Variants in KCTD16 observed in about 807,000 individuals in gnomAD.
KCTD16 encodes potassium channel tetramerization domain containing 16, also known as BTB/POZ domain-containing protein KCTD16.
A neutral mutation model predicts 33.2 loss-of-function variants in KCTD16; 13 were observed. The observed-to-expected ratio is 0.39, with a 90% CI of 0.25 to 0.62. KCTD16 has a LOEUF of 0.62. Among genes scored for constraint, KCTD16 ranks in the 20% least tolerant of loss-of-function variants. The probability of loss-of-function intolerance (pLI) is 0.50; values close to 1 mark genes in which losing one functional copy is unlikely to be tolerated. For missense variants in KCTD16, 441 were observed against 525.1 expected (o/e 0.84, Z 1.57); for synonymous variants, 197 against 195.3 (o/e 1.01, Z -0.07).
In KCTD16 at chr5:144,483,635, GT is replaced by G. The variant is rs1291032805; in HGVS notation, c.*9522del. The stretch of plus-strand genomic sequence containing the variant: ...GGCCATCTTAAGAATACAGTAAGTT[GT>G]GTACTCATTCATAGCCACATGCTTT... On this transcript the variant is annotated 3_prime_UTR_variant, in exon 4 of 4. Transcript: ENST00000512467. 5 of 151,954 alleles carry G rather than the reference GT, an allele frequency of 3.3e-5. No homozygotes were observed. Among genetic ancestry groups the G allele is most frequent in the Non-Finnish European group, 7.4e-5 (5 of 67,916 alleles). The allele number at this position is 151,954 out of a possible 1,614,324, so 9.4% of individuals were successfully genotyped here.
At chr5:144,360,465 T>A (rs1751683420) in intron 3 of KCTD16, among the ~76,000 whole-genome samples, 1 of 151,380 alleles carries the variant, frequency 6.6e-6, no homozygotes, top group African/African-American at 2.4e-5. Context: ...GGAATCTCGC[T>A]CTGTTGCCCA....
At chr5:144,377,698 CT>C (rs1433360363) in intron 3 of KCTD16, 2 of 152,172 alleles carry the variant, frequency 1.3e-5, no homozygotes. Context: ...TGACATCCTG[CT>C]GACAAGTCTT....
intron 3 of KCTD16, among the ~76,000 whole-genome samples, chr5:144,462,753 C>T (rs997891167): frequency 1.3e-5 from 2 of 152,084 alleles, no homozygotes; most frequent in Admixed American, 6.5e-5. Context: ...ATGTTCCATG[C>T]CGTCTGGTCT....
At chr5:144,319,015 T>C (rs1386635597) in intron 3 of KCTD16, among the ~76,000 whole-genome samples, 1 of 152,086 alleles carries the variant, frequency 6.6e-6, no homozygotes, top group Non-Finnish European at 1.5e-5. Flanking sequence ...CTAAAATAAT[T>C]AAAGCAATAT....
chr5:144,250,557 A>C (rs1005679095), intron 3 of KCTD16, among the ~76,000 whole-genome samples: 2 of 152,222 alleles, frequency 1.3e-5, no homozygotes, highest in African/African-American at 4.8e-5. Flanking sequence ...TGTTCCGAGA[A>C]GTATACAGTT....
At chr5:144,345,913 T>C (rs1752787496) in intron 3 of KCTD16, among the ~76,000 whole-genome samples, 1 of 151,986 alleles carries the variant, frequency 6.6e-6, no homozygotes, top group Admixed American at 6.6e-5. Context: ...TTGACTATAG[T>C]AAACCTATTA....
intron 3 of KCTD16, among the ~76,000 whole-genome samples, chr5:144,440,115 G>A (rs959261072): frequency 2.6e-5 from 4 of 152,120 alleles, no homozygotes; most frequent in African/African-American, 7.2e-5. Context: ...AGCCCCTTCT[G>A]TGCACCACAT....
At chr5:144,395,846 G>C (rs1211059735) in intron 3 of KCTD16, among the ~76,000 whole-genome samples, 1 of 152,180 alleles carries the variant, frequency 6.6e-6, no homozygotes, top group Non-Finnish European at 1.5e-5. Flanking sequence ...TGCTCAGGAT[G>C]TCTGTCAGCC....
chr5:144,349,247 A>G (rs1234226683), intron 3 of KCTD16, among the ~76,000 whole-genome samples: 1 of 152,156 alleles, frequency 6.6e-6, no homozygotes, highest in African/African-American at 2.4e-5. Flanking sequence ...CATGGTTTAC[A>G]TGTGTGGCCT....
At position 144,328,455 on chromosome 5, in the gene KCTD16, G is replaced by A. The variant is rs563510753; in HGVS notation, c.832+120909G>A. Among the ~76,000 whole-genome samples the A allele has an allele frequency of 2.0e-5, 3 of 152,148 alleles. 1 individual carries two copies. In the South Asian group the frequency reaches 6.2e-4, roughly 32 times the overall value. On this transcript the variant is annotated intron_variant, in intron 3 of 3. Transcript: ENST00000512467. ...TTCCCCTGAGACTAGCAATTGTTCTGCCTGTTGATTTGAGTGTGTGGGATA... is the reference window on the plus strand; with the variant it reads ...TTCCCCTGAGACTAGCAATTGTTCTACCTGTTGATTTGAGTGTGTGGGATA...
intron 3 of KCTD16, among the ~76,000 whole-genome samples, chr5:144,416,485 A>C (rs1753057215): frequency 6.6e-6 from 1 of 152,200 alleles, no homozygotes; most frequent in Admixed American, 6.6e-5. Context: ...TCTTTGAAGA[A>C]CTAAGATGTG....
intron 3 of KCTD16, among the ~76,000 whole-genome samples, chr5:144,374,248 T>G (rs1465180964): frequency 6.6e-6 from 1 of 152,172 alleles, no homozygotes; most frequent in African/African-American, 2.4e-5. Flanking sequence ...TAAAAAAGAT[T>G]AATATTAGAA....
intron 1 of KCTD16, among the ~76,000 whole-genome samples, chr5:144,172,384 C>T (rs992267825): frequency 1.3e-5 from 2 of 152,122 alleles, no homozygotes; most frequent in East Asian, 1.9e-4. Flanking sequence ...ATATATCTGT[C>T]GCCTCAGACA....
chr5:144,432,790 T>A (rs1407084847), intron 3 of KCTD16, among the ~76,000 whole-genome samples: 1 of 152,198 alleles, frequency 6.6e-6, no homozygotes. Flanking sequence ...ACTTTCTTTT[T>A]TATTTACAGC....
chr5:144,203,250 T>A (rs1753083148), intron 2 of KCTD16, among the ~76,000 whole-genome samples: 1 of 152,034 alleles, frequency 6.6e-6, no homozygotes, highest in African/African-American at 2.4e-5. Context: ...AATACTCTTT[T>A]TAAGAGTATT....
At chr5:144,334,605 G>A (rs190897193) in intron 3 of KCTD16, among the ~76,000 whole-genome samples, 14 of 152,148 alleles carry the variant, frequency 9.2e-5, no homozygotes, top group African/African-American at 3.4e-4. Flanking sequence ...TTGTCTCCAC[G>A]ATTTAAATTA....
rs141846668 is a variant in KCTD16 at position 144,363,454 on chromosome 5, C to T, written c.833-110206C>T. ...TATTGTATCTGATTTATCTCATCAC[C>T]GTCCTTCTGCTTATGGTGGCCCCAT... On this transcript the variant is annotated intron_variant, in intron 3 of 3. Coordinates refer to ENST00000512467, the MANE Select transcript of KCTD16 (RefSeq NM_020768.4). Among the ~76,000 whole-genome samples the T allele has an allele frequency of 2.2e-4, 33 of 152,096 alleles. No homozygotes were observed. In the East Asian group the frequency reaches 4.4e-3, roughly 20 times the overall value.
intron 2 of KCTD16, among the ~76,000 whole-genome samples, chr5:144,203,223 C>A (rs868121233): frequency 6.6e-6 from 1 of 151,734 alleles, no homozygotes; most frequent in Non-Finnish European, 1.5e-5. Context: ...TTTAACTCTG[C>A]AATTTAAAGT....
intron 3 of KCTD16, among the ~76,000 whole-genome samples, chr5:144,273,256 A>T (rs73312741): frequency 0.016 from 2,462 of 152,274 alleles, 72 homozygotes; most frequent in African/African-American, 0.057. Context: ...ACAAATGAAA[A>T]CTACAATGAG....
Sources: allele counts gnomAD v4.1 joint callset (sites outside exome capture counted in the v4.1 genomes callset), GRCh38; gene constraint gnomAD v4.1.1; transcripts MANE v1.5; gene names NCBI Gene and HGNC (gene_info 2026-07-23, HGNC 2026-07-21).